Variants in KANK1 observed in about 807,000 individuals in gnomAD.
KANK1 encodes the protein KN motif and ankyrin repeat domain-containing protein 1.
In KANK1, 109 loss-of-function variants were observed where a neutral mutation model predicts 106.2. That is an observed-to-expected ratio of 1.03 (90% CI 0.88 to 1.20). The LOEUF (loss-of-function observed/expected upper bound fraction) is 1.20, where lower values mean the gene tolerates loss of function less well. Ranked by LOEUF, KANK1 falls within the 50% of genes most tolerant of loss-of-function variation. The pLI, the probability that KANK1 is intolerant of heterozygous loss-of-function variation, is 0.00. For synonymous variants in KANK1, 873 were observed against 652.2 expected (o/e 1.34, Z -5.16); for missense variants, 2,399 against 1,710.7 (o/e 1.40, Z -7.10).
rs185513692 is a variant in KANK1 at position 556,678 on chromosome 9, C to G, written c.-84+51924C>G. ...CCAGTTACTCTCCTTACTCAAATTG[C>G]TAGCCCCTTTGGTACTTTTCTCTCT... On this transcript the variant is annotated intron_variant, in intron 1 of 11. Transcript: ENST00000382297. Among the ~76,000 whole-genome samples the G allele has an allele frequency of 3.4e-3, 126 of 37,452 alleles. 1 individual carries two copies. The highest frequency in any genetic ancestry group is 0.013 in the African/African-American group (123 of 9,556). 24.6% of individuals were successfully genotyped at this position (37,452 alleles called of 152,430 possible).
intron 1 of KANK1, among the ~76,000 whole-genome samples, chr9:576,701 C>G (rs1820649988): frequency 6.6e-6 from 1 of 151,894 alleles, no homozygotes; most frequent in Non-Finnish European, 1.5e-5. Context: ...GAACTTGGTG[C>G]TTCTTCCTGG....
intron 1 of KANK1, among the ~76,000 whole-genome samples, chr9:534,773 A>G (rs1276463861): frequency 6.6e-6 from 1 of 152,256 alleles, no homozygotes; most frequent in Non-Finnish European, 1.5e-5. Context: ...AAACTTGATA[A>G]AAGCACCAAC....
chr9:506,836 A>G (rs1358409643), intron 1 of KANK1, among the ~76,000 whole-genome samples: 1 of 152,156 alleles, frequency 6.6e-6, no homozygotes, highest in East Asian at 1.9e-4. Flanking sequence ...GAATGGGATA[A>G]TGGCCGAAAG....
chr9:522,809 T>C (rs1436463483), intron 1 of KANK1, among the ~76,000 whole-genome samples: 9 of 151,720 alleles, frequency 5.9e-5, no homozygotes, highest in Admixed American at 5.9e-4. Flanking sequence ...CACCAGCCTC[T>C]GACCTACCCT....
chr9:567,407 A>G (rs1049795711), intron 1 of KANK1, among the ~76,000 whole-genome samples: 1 of 152,214 alleles, frequency 6.6e-6, no homozygotes, highest in Non-Finnish European at 1.5e-5. Context: ...TAGTTTTGGA[A>G]AGTGCTATTC....
At chr9:570,288 G>T (rs1048086558) in intron 1 of KANK1, among the ~76,000 whole-genome samples, 1 of 152,196 alleles carries the variant, frequency 6.6e-6, no homozygotes, top group Non-Finnish European at 1.5e-5. Flanking sequence ...ATGAAAATTT[G>T]ATGTCCTTAG....
chr9:646,980 G>A (rs542322048), intron 1 of KANK1, among the ~76,000 whole-genome samples: 4 of 151,038 alleles, frequency 2.6e-5, no homozygotes, highest in Non-Finnish European at 5.9e-5. Context: ...TTACCGGCGT[G>A]AGCTACTATG....
chr9:621,095 G>C (rs920012322), intron 1 of KANK1, among the ~76,000 whole-genome samples: 24 of 152,218 alleles, frequency 1.6e-4, no homozygotes, highest in Non-Finnish European at 3.4e-4. Context: ...ATTCAATTCA[G>C]TCTCTTCTCT....
Position 598,631 on chromosome 9 carries a change from T to C in KANK1, c.-83-78259T>C, listed in dbSNP as rs866511012. Among the ~76,000 whole-genome samples, 32 of 106,820 alleles carry C rather than the reference T, an allele frequency of 3.0e-4. 1 individual carries two copies. Among genetic ancestry groups the C allele is most frequent in the African/African-American group, 1.3e-3 (29 of 22,482 alleles). The allele number at this position is 106,820 out of a possible 152,430, so 70.1% of individuals were successfully genotyped here. A position where few individuals can be genotyped will look rare whatever the true frequency, so the allele number is the denominator to read the frequency against. On this transcript the variant is annotated intron_variant, in intron 1 of 11. Transcript: ENST00000382297. The stretch of plus-strand genomic sequence containing the variant: ...GTTTTGTTGGTTTTCTTTTTTTTTT[T>C]TTTTTTTTTTTTTTTTTTTGAGACA...
chr9:514,424 T>A (rs1284395316), intron 1 of KANK1, among the ~76,000 whole-genome samples: 1 of 150,374 alleles, frequency 6.7e-6, no homozygotes. Flanking sequence ...TTTACCCAAA[T>A]GGAGCCACAG....
Position 738,458 on chromosome 9 carries a change from C to CGTGTCCCAT in KANK1, c.3515_3516insTGTGTCCCA (p.Val1170_His1172dup). ...ACGGCAACACAGCCCTCCATTACAG[C>CGTGTCCCAT]GTGTCCCACTCCAACTTCGAGATTG... On this transcript the variant is annotated inframe_insertion, in exon 8 of 12. Coordinates refer to ENST00000382297, the MANE Select transcript of KANK1 (RefSeq NM_015158.5). The CGTGTCCCAT allele has an allele frequency of 6.2e-7, 1 of 1,614,132 alleles. No homozygotes were observed. Among genetic ancestry groups the CGTGTCCCAT allele is most frequent in the Non-Finnish European group, 8.5e-7 (1 of 1,180,008 alleles).
intron 1 of KANK1, among the ~76,000 whole-genome samples, chr9:532,478 C>T (rs1472418555): frequency 6.7e-6 from 1 of 148,400 alleles, no homozygotes; most frequent in African/African-American, 2.5e-5. Context: ...ATCTCCAGAA[C>T]TCTTTCATCT....
At chr9:589,384 G>A (rs1284037085) in intron 1 of KANK1, among the ~76,000 whole-genome samples, 2 of 152,178 alleles carry the variant, frequency 1.3e-5, no homozygotes, top group African/African-American at 2.4e-5. Context: ...CTAAGGAGGT[G>A]CAGGTGTAGA....
intron 1 of KANK1, among the ~76,000 whole-genome samples, chr9:653,072 C>T (rs1841282873): frequency 1.3e-5 from 2 of 152,184 alleles, no homozygotes; most frequent in Admixed American, 6.5e-5. Flanking sequence ...CACAGCATCC[C>T]ATATGGCCTT....
At chr9:679,156 G>T (rs953609084) in intron 2 of KANK1, among the ~76,000 whole-genome samples, 2 of 152,148 alleles carry the variant, frequency 1.3e-5, no homozygotes, top group Admixed American at 6.5e-5. Flanking sequence ...CTTTCAGGGT[G>T]TCAGAGTATG....
chr9:696,283 CA>C (rs752946063), intron 2 of KANK1, among the ~76,000 whole-genome samples: 1,355 of 86,142 alleles, frequency 0.016, 14 homozygotes, highest in African/African-American at 0.05. Context: ...GACTCCGTCT[CA>C]AAAAAAAAAA....
At chr9:515,338 CCTT>C (rs926600384) in intron 1 of KANK1, among the ~76,000 whole-genome samples, 2 of 148,824 alleles carry the variant, frequency 1.3e-5, no homozygotes, top group Admixed American at 6.6e-5. Context: ...GAGCAAGACT[CCTT>C]CTCAAAAAAA....
intron 1 of KANK1, among the ~76,000 whole-genome samples, chr9:665,339 T>G (rs144129464): frequency 5.4e-4 from 83 of 152,334 alleles, no homozygotes; most frequent in African/African-American, 1.9e-3. Flanking sequence ...ATTTGATATT[T>G]GTACATGGTG....
chr9:534,001 G>C (rs146184835), intron 1 of KANK1, among the ~76,000 whole-genome samples: 1 of 152,292 alleles, frequency 6.6e-6, no homozygotes, highest in East Asian at 1.9e-4. Flanking sequence ...AAGTCACCCA[G>C]ACTTTTTGTC....
Sources: gnomAD v4.1 joint callset for allele counts (sites outside exome capture counted in the v4.1 genomes callset) on GRCh38, gnomAD v4.1.1 for gene constraint, MANE v1.5 for transcripts, NCBI Gene and HGNC (gene_info 2026-07-23, HGNC 2026-07-21) for gene names.